FANCA: variants seen among roughly 807,000 people sequenced by gnomAD.
FANCA encodes the protein FA complementation group A, also known as Fanconi anemia group A protein.
In FANCA, 236 loss-of-function variants were observed where a neutral mutation model predicts 194.3. The ratio of observed to expected loss-of-function variants is 1.21; its 90% CI spans 1.09 to 1.35. FANCA has a LOEUF of 1.35. Ranked by LOEUF, FANCA falls within the 40% of genes most tolerant of loss-of-function variation. The pLI is 0.00. For synonymous variants in FANCA, 1,014 were observed against 715.8 expected, an observed-to-expected ratio of 1.42 and a Z score of -6.65; for missense variants, 2,628 against 1,813.9, an observed-to-expected ratio of 1.45 and a Z score of -8.15.
At chr16:89,772,163 C>A (rs1446274846) in intron 22 of FANCA, among the ~76,000 whole-genome samples, 1 of 152,200 alleles carries the variant, frequency 6.6e-6, no homozygotes, top group Non-Finnish European at 1.5e-5. Flanking sequence ...TCCATGTTGG[C>A]CCAGGGAAAT....
At chr16:89,796,207 C>T (rs1019659117) in intron 10 of FANCA, among the ~76,000 whole-genome samples, 189 bp from the exon 11 acceptor site, 1 of 152,124 alleles carries the variant, frequency 6.6e-6, no homozygotes, top group African/African-American at 2.4e-5. Flanking sequence ...AGAAAGGGGG[C>T]AAGGCAACGG....
chr16:89,743,859 T>C (rs1321749390), intron 36 of FANCA, among the ~76,000 whole-genome samples: 1 of 152,034 alleles, frequency 6.6e-6, no homozygotes, highest in Non-Finnish European at 1.5e-5. Flanking sequence ...CTTCAGACAA[T>C]CTGATCTGTG....
chr16:89,815,801 G>T, intron 2 of FANCA, 76 bp downstream of exon 2: 2 of 1,192,230 alleles, frequency 1.7e-6, no homozygotes, highest in Non-Finnish European at 2.5e-6. Context: ...TGTTTTCTTA[G>T]GAAAGCTGTG....
intron 37 of FANCA, 124 bp downstream of exon 37, chr16:89,742,676 A>AAT: frequency 2.6e-6 from 2 of 756,146 alleles, no homozygotes; most frequent in Non-Finnish European, 4.1e-6. Context: ...AAAAAAAAAA[A>AAT]GTCTTGCTCC....
intron 6 of FANCA, among the ~76,000 whole-genome samples, chr16:89,807,796 T>A (rs554104309): frequency 1.3e-5 from 2 of 152,078 alleles, no homozygotes; most frequent in Non-Finnish European, 2.9e-5. Context: ...GGCAGGAGAA[T>A]GGCGTGAACC....
intron 13 of FANCA, 39 bp downstream of exon 13, chr16:89,791,888 A>G (rs1555561678): frequency 6.2e-7 from 1 of 1,612,454 alleles, no homozygotes; most frequent in South Asian, 1.1e-5. Flanking sequence ...CCCTACACAC[A>G]CTCTTGACCA....
At chr16:89,756,428 A>C (rs2038769035) in intron 30 of FANCA, among the ~76,000 whole-genome samples, 2 of 152,322 alleles carry the variant, frequency 1.3e-5, no homozygotes, top group Admixed American at 6.5e-5. Context: ...CAGAAGTTCA[A>C]GACCAGTCTG....
intron 22 of FANCA, among the ~76,000 whole-genome samples, chr16:89,772,946 G>C (rs1405654042): frequency 6.6e-6 from 1 of 152,188 alleles, no homozygotes; most frequent in Non-Finnish European, 1.5e-5. Context: ...TGTCTGATGT[G>C]ACATCGACTC....
chr16:89,808,410 C>T (rs571975567), intron 5 of FANCA, 43 bp from the exon 6 acceptor site: 1 of 1,586,184 alleles, frequency 6.3e-7, no homozygotes. Context: ...AACAAAAAAA[C>T]CCCCAGCATT....
At chr16:89,773,529 G>A (rs2039396403) in intron 21 of FANCA, 145 bp from the exon 22 acceptor site, 3 of 655,436 alleles carry the variant, frequency 4.6e-6, no homozygotes, top group African/African-American at 3.6e-5. Flanking sequence ...AGTCTCTGAG[G>A]AGGTAAATGA....
intron 14 of FANCA, among the ~76,000 whole-genome samples, chr16:89,787,869 T>TAA (rs562178247): frequency 4.7e-5 from 7 of 148,364 alleles, no homozygotes; most frequent in African/African-American, 1.5e-4. Context: ...TTCCTAAAAG[T>TAA]AAAAAAAAAA....
intron 11 of FANCA, 84 bp downstream of exon 11, chr16:89,795,822 T>C (rs1333738107): frequency 1.1e-5 from 11 of 965,374 alleles, no homozygotes; most frequent in Non-Finnish European, 1.7e-5. Context: ...ATTCCTGGCA[T>C]CTCCAGTCAG....
At chr16:89,770,367 A>T in intron 24 of FANCA, 108 bp from the exon 25 acceptor site, 2 of 1,150,816 alleles carry the variant, frequency 1.7e-6, no homozygotes, top group Non-Finnish European at 2.5e-6. Context: ...GCTGTTCCCC[A>T]AAACAGTGGT....
chr16:89,776,591 G>A (rs1243364785), intron 20 of FANCA, among the ~76,000 whole-genome samples: 2 of 152,014 alleles, frequency 1.3e-5, no homozygotes, highest in Non-Finnish European at 2.9e-5. Flanking sequence ...ACTTTGGGAG[G>A]CCGAGGCAGG....
At chr16:89,739,903 A>C in intron 39 of FANCA, 91 bp downstream of exon 39, 3 of 1,579,612 alleles carry the variant, frequency 1.9e-6, no homozygotes, top group Non-Finnish European at 2.6e-6. Flanking sequence ...CTTAGCAAGG[A>C]ACCTCAAGGA....
chr16:89,797,963 T>C (rs2040304872), intron 10 of FANCA, among the ~76,000 whole-genome samples: 1 of 152,144 alleles, frequency 6.6e-6, no homozygotes, highest in Admixed American at 6.6e-5. Flanking sequence ...GGTCAGTGGT[T>C]GTTACCTGAC....
Position 89,738,656 on chromosome 16 carries a change from C to T in FANCA, c.4313G>A (p.Ser1438Asn), listed in dbSNP as rs2151709791. The T allele has an allele frequency of 5.6e-6, 9 of 1,613,566 alleles. No individual in the cohort carries two copies. Among genetic ancestry groups the T allele is most frequent in the Non-Finnish European group, 6.8e-6 (8 of 1,180,028 alleles). ...AGCGTCAGGGGCAGCCTGCTGTCTG[C>T]TCTGGAGGGCGGCGCTCACCTCTGG... ...CDPEVSAALQ[S>N]RQQAAPDADL... The change falls in exon 43 of 43, where the codon AGC (serine) becomes AAC (asparagine). Residue 1438 changes from serine (S) to asparagine (N), a missense_variant. Transcript: ENST00000389301.
chr16:89,810,814 G>A lies in FANCA; in HGVS notation c.427-12C>T. ...GAAGACAGCTTCTTCTGAAAAGAGA[G>A]ATTACATTTTTTAAAAAACAAATTA... is the stretch of plus-strand genomic sequence containing the variant. On this transcript the variant is annotated splice_polypyrimidine_tract_variant and intron_variant, in intron 4 of 42. Coordinates refer to ENST00000389301, the MANE Select transcript of FANCA (RefSeq NM_000135.4). 1 of 1,612,002 alleles carries A rather than the reference G, an allele frequency of 6.2e-7. No homozygotes were observed.
At chr16:89,751,899 T>C (rs948482770) in intron 31 of FANCA, among the ~76,000 whole-genome samples, 7 of 151,754 alleles carry the variant, frequency 4.6e-5, no homozygotes, top group African/African-American at 1.7e-4. Context: ...GCCTCCCGAG[T>C]AGGTGGGGCT....
Sources: gnomAD v4.1 joint callset for allele counts (sites outside exome capture counted in the v4.1 genomes callset) on GRCh38, gnomAD v4.1.1 for gene constraint, MANE v1.5 for transcripts, NCBI Gene and HGNC (gene_info 2026-07-23, HGNC 2026-07-21) for gene names.